Variants in STT3B observed in about 807,000 individuals in gnomAD.
STT3B encodes the protein STT3 oligosaccharyltransferase complex catalytic subunit B.
In STT3B, 29 loss-of-function variants were observed where a neutral mutation model predicts 96.8. The observed-to-expected ratio is 0.30, with a 90% CI of 0.22 to 0.41. The LOEUF (loss-of-function observed/expected upper bound fraction) is 0.41, where lower values mean the gene tolerates loss of function less well. Ranked by LOEUF, STT3B falls within the 10% of genes least tolerant of loss-of-function variation. The pLI is 1.00. For missense variants in STT3B, 640 were observed against 1,022.3 expected (o/e 0.63, Z 5.10); for synonymous variants, 367 against 360.0 (o/e 1.02, Z -0.22).
At chr3:31,606,882 A>G (rs562568292) in intron 5 of STT3B, among the ~76,000 whole-genome samples, 4 of 152,300 alleles carry the variant, frequency 2.6e-5, no homozygotes, top group African/African-American at 9.6e-5. Context: ...ACCAGGAGGG[A>G]GGCTGTACCC....
intron 14 of STT3B, among the ~76,000 whole-genome samples, chr3:31,632,326 A>G (rs1699680850): frequency 6.6e-6 from 1 of 152,220 alleles, no homozygotes; most frequent in Non-Finnish European, 1.5e-5. Flanking sequence ...TGGGATATAA[A>G]GCTACACTTT....
chr3:31,597,839 T>C (rs1698826293), intron 4 of STT3B, among the ~76,000 whole-genome samples: 1 of 100,642 alleles, frequency 9.9e-6, no homozygotes, highest in African/African-American at 2.7e-5. Context: ...TTATTATTAT[T>C]ATTATTTTTT....
At chr3:31,615,350 A>G in intron 6 of STT3B, 147 bp downstream of exon 6, 1 of 623,942 alleles carries the variant, frequency 1.6e-6, no homozygotes, top group South Asian at 2.1e-5. Context: ...ATCTGTAGAT[A>G]AAAATTTTAT....
intron 1 of STT3B, among the ~76,000 whole-genome samples, chr3:31,575,602 G>A (rs1698246827): frequency 6.6e-6 from 1 of 151,984 alleles, no homozygotes; most frequent in Admixed American, 6.6e-5. Flanking sequence ...TGGGGTATAA[G>A]GATTTCCTGT....
At chr3:31,580,153 A>C (rs1698350951) in intron 3 of STT3B, 57 bp downstream of exon 3, 1 of 1,537,608 alleles carries the variant, frequency 6.5e-7, no homozygotes. Context: ...CTCCTGAAAC[A>C]CTTTAGGCTG....
chr3:31,612,596 CTTA>C (rs1460279474), intron 5 of STT3B, among the ~76,000 whole-genome samples: 2 of 152,144 alleles, frequency 1.3e-5, no homozygotes, highest in African/African-American at 4.8e-5. Flanking sequence ...CTCCATCACT[CTTA>C]TTATTAACTT....
chr3:31,571,831 T>C (rs1219020828), intron 1 of STT3B, among the ~76,000 whole-genome samples: 2 of 151,356 alleles, frequency 1.3e-5, no homozygotes. Flanking sequence ...ATGAAAATAA[T>C]CAGACTATGC....
rs576081484 is a variant in STT3B at position 31,566,635 on chromosome 3, G to A, written c.315-9761G>A. 5.9e-5 allele frequency among the ~76,000 whole-genome samples: 9 copies of A among 152,114 alleles called. No individual in the cohort carries two copies. In the East Asian group the frequency reaches 1.7e-3, roughly 29 times the overall value. On this transcript the variant is annotated intron_variant, in intron 1 of 15. Transcript: ENST00000295770. ...CAGCTCTTTAACTCTTTGAATTGCT[G>A]GTTACCCCCATCCTTAAAGACTTCA...
At chr3:31,635,483 A>G (rs1699738841) in intron 15 of STT3B, among the ~76,000 whole-genome samples, 1 of 152,202 alleles carries the variant, frequency 6.6e-6, no homozygotes, top group South Asian at 2.1e-4. Context: ...CTAAAGGATT[A>G]TTTTTAGAGA....
At chr3:31,599,620 AT>A (rs1446982558) in intron 4 of STT3B, among the ~76,000 whole-genome samples, 2 of 152,206 alleles carry the variant, frequency 1.3e-5, no homozygotes, top group African/African-American at 4.8e-5. Context: ...TCAAGCTCTG[AT>A]TATTAGAGGA....
intron 1 of STT3B, among the ~76,000 whole-genome samples, chr3:31,555,321 A>G (rs1399829930): frequency 6.6e-6 from 1 of 152,140 alleles, no homozygotes; most frequent in African/African-American, 2.4e-5. Flanking sequence ...ATAAAAACCT[A>G]TGAAAAGATA....
intron 1 of STT3B, among the ~76,000 whole-genome samples, chr3:31,545,754 A>G (rs1697391203): frequency 6.6e-6 from 1 of 151,892 alleles, no homozygotes; most frequent in Non-Finnish European, 1.5e-5. Flanking sequence ...CCTGCAGCCC[A>G]GAGCGGCTTT....
intron 13 of STT3B, among the ~76,000 whole-genome samples, chr3:31,628,135 A>G (rs1014132780): frequency 1.4e-5 from 2 of 148,092 alleles, no homozygotes; most frequent in African/African-American, 5.0e-5. Context: ...TATGTTAATT[A>G]GATCGATGTA....
intron 1 of STT3B, among the ~76,000 whole-genome samples, chr3:31,550,087 T>C (rs565600356): frequency 1.3e-5 from 2 of 152,308 alleles, no homozygotes; most frequent in African/African-American, 4.8e-5. Flanking sequence ...TTAGTAAATG[T>C]CCTTTATAAA....
intron 1 of STT3B, among the ~76,000 whole-genome samples, chr3:31,539,973 A>G (rs558072642): frequency 5.9e-5 from 9 of 152,154 alleles, no homozygotes; most frequent in Admixed American, 1.3e-4. Context: ...CCCTGTTTCT[A>G]TTTTCTAAGA....
At chr3:31,603,104 T>TA (rs1043291732) in intron 5 of STT3B, among the ~76,000 whole-genome samples, 37 of 151,184 alleles carry the variant, frequency 2.4e-4, no homozygotes, top group African/African-American at 7.5e-4. Flanking sequence ...AATGTTTAGG[T>TA]AAAAAAAAAT....
At chr3:31,558,640 G>GTA (rs949454729) in intron 1 of STT3B, among the ~76,000 whole-genome samples, 1 of 152,128 alleles carries the variant, frequency 6.6e-6, no homozygotes, top group African/African-American at 2.4e-5. Context: ...GCCAGTTGTA[G>GTA]TATCCTTGTC....
intron 13 of STT3B, among the ~76,000 whole-genome samples, chr3:31,628,336 A>G (rs1699579747): frequency 6.6e-6 from 1 of 152,116 alleles, no homozygotes; most frequent in African/African-American, 2.4e-5. Context: ...TGATTTTTCC[A>G]TGTTAGAATA....
In STT3B at chr3:31,579,932, A is replaced by T; in HGVS notation, c.547A>T (p.Ile183Leu). 1 of 1,613,886 alleles carries T rather than the reference A, an allele frequency of 6.2e-7. No homozygotes were observed. Among genetic ancestry groups the T allele is most frequent in the Non-Finnish European group, 8.5e-7 (1 of 1,179,860 alleles). The change falls in exon 3 of 16, where the codon ATA (isoleucine) becomes TTA (leucine). Residue 183 changes from isoleucine to leucine, a missense_variant. Physicochemically the swap from Ile to Leu is conservative, Grantham distance 5. This residue lies in a region of STT3B where 267 missense variants were observed against 388.3 expected (regional missense o/e 0.69). Coordinates refer to ENST00000295770, the MANE Select transcript of STT3B (RefSeq NM_178862.3). The part of the protein sequence containing the change: ...LAPTFSGLTS[I>L]STFLLTRELW... ...ACCAACTTTTAGCGGCCTTACATCT[A>T]TATCTACTTTCCTGCTTACAAGAGA...
Sources: allele counts gnomAD v4.1 joint callset (sites outside exome capture counted in the v4.1 genomes callset), GRCh38; gene constraint gnomAD v4.1.1; regional missense constraint gnomAD v4.1.1; transcripts MANE v1.5; gene names NCBI Gene and HGNC (gene_info 2026-07-23, HGNC 2026-07-21).